Variants in RAB38 observed in about 807,000 individuals in gnomAD.
The protein encoded by RAB38 is ras-related protein Rab-38.
Under a neutral mutation model 18.4 loss-of-function variants are expected in RAB38, and 15 were observed. The ratio of observed to expected loss-of-function variants is 0.82; its 90% CI spans 0.55 to 1.26. The LOEUF (loss-of-function observed/expected upper bound fraction) is 1.26, where lower values mean the gene tolerates loss of function less well. Ranked by LOEUF, RAB38 falls within the 50% of genes most tolerant of loss-of-function variation. The pLI is 0.00. For missense variants in RAB38, 294 were observed against 267.4 expected, an observed-to-expected ratio of 1.10 and a Z score of -0.69; for synonymous variants, 101 against 104.4, an observed-to-expected ratio of 0.97 and a Z score of 0.20.
chr11:87,829,688 A>G, the RAB38 span, among the ~76,000 whole-genome samples: 1 of 152,162 alleles, frequency 6.6e-6, no homozygotes, highest in East Asian at 1.9e-4. Context: ...TCGCCTCTGA[A>G]TCTAAAATAA....
At chr11:88,143,553 TTTAAA>T (rs5742207) in intron 2 of RAB38, among the ~76,000 whole-genome samples, 47,736 of 151,968 alleles carry the variant, frequency 0.31, 7,849 homozygotes, top group Non-Finnish European at 0.36. Flanking sequence ...GGTGTCTAAA[TTTAAA>T]TCATTAAGAA....
At chr11:88,100,697 T>C in the RAB38 span, among the ~76,000 whole-genome samples, 1 of 152,088 alleles carries the variant, frequency 6.6e-6, no homozygotes, top group Non-Finnish European at 1.5e-5. Context: ...ACTAAGGTGA[T>C]CATATTAGTT....
At chr11:87,850,387 C>G in the RAB38 span, among the ~76,000 whole-genome samples, 4 of 152,046 alleles carry the variant, frequency 2.6e-5, no homozygotes, top group African/African-American at 9.7e-5. Flanking sequence ...CCTCATTCCC[C>G]TATAACTGAC....
At chr11:88,040,061 C>T in the RAB38 span, among the ~76,000 whole-genome samples, 1 of 152,116 alleles carries the variant, frequency 6.6e-6, no homozygotes, top group Non-Finnish European at 1.5e-5. Context: ...TGAATAATTC[C>T]CAGGGGTTCT....
At chr11:87,893,386 A>AT in the RAB38 span, among the ~76,000 whole-genome samples, 2 of 92,652 alleles carry the variant, frequency 2.2e-5, no homozygotes, top group African/African-American at 8.4e-5. Flanking sequence ...ATATATATAT[A>AT]TATATTTTTT....
chr11:88,170,151 C>T (rs1943292245), intron 1 of RAB38, among the ~76,000 whole-genome samples: 1 of 152,150 alleles, frequency 6.6e-6, no homozygotes, highest in African/African-American at 2.4e-5. Context: ...CCATATATCC[C>T]TCATTCCTAC....
At chr11:88,043,610 A>AG in the RAB38 span, among the ~76,000 whole-genome samples, 1 of 59,698 alleles carries the variant, frequency 1.7e-5, no homozygotes, top group Non-Finnish European at 3.6e-5. Flanking sequence ...TGACCCCCCC[A>AG]CCCTGCCCAC....
intron 2 of RAB38, among the ~76,000 whole-genome samples, chr11:88,132,299 G>C (rs1942775008): frequency 6.6e-6 from 1 of 152,186 alleles, no homozygotes; most frequent in African/African-American, 2.4e-5. Context: ...GATCCAGGAA[G>C]TTGAGCCATT....
At chr11:88,024,737 C>A in the RAB38 span, among the ~76,000 whole-genome samples, 2 of 152,072 alleles carry the variant, frequency 1.3e-5, no homozygotes, top group East Asian at 3.8e-4. Flanking sequence ...ATGGAAAGAA[C>A]TGGATGAAAT....
Position 88,175,367 on chromosome 11 carries a change from C to T in RAB38, c.18G>A (p.Lys6=). 1 of 1,614,168 alleles carries T rather than the reference C, an allele frequency of 6.2e-7. No individual in the cohort carries two copies. Among genetic ancestry groups the T allele is most frequent in the Non-Finnish European group, 8.5e-7 (1 of 1,180,022 alleles). ...TCACCAGCAACTTGTACAGGTGCTC[C>T]TTGTGCGGGGCCTGCATCCTGGCGG... The part of the protein sequence containing the change: MQAPH[K]EHLYKLLVIG... The change falls in exon 1 of 3, where the codon AAG becomes AAA. Residue 6 remains lysine (K), a synonymous_variant. Coordinates refer to ENST00000243662, the MANE Select transcript of RAB38 (RefSeq NM_022337.3).
the RAB38 span, among the ~76,000 whole-genome samples, chr11:87,878,281 T>C: frequency 7.1e-6 from 1 of 140,022 alleles, no homozygotes; most frequent in South Asian, 2.2e-4. Context: ...TATCTATCTA[T>C]CTATCTATCT....
intron 1 of RAB38, among the ~76,000 whole-genome samples, chr11:88,171,633 G>T (rs1206427865): frequency 6.6e-6 from 1 of 152,184 alleles, no homozygotes; most frequent in Non-Finnish European, 1.5e-5. Context: ...GGAAATTATA[G>T]ATTAAATATG....
chr11:88,073,952 G>T, the RAB38 span, among the ~76,000 whole-genome samples: 1 of 151,410 alleles, frequency 6.6e-6, no homozygotes, highest in African/African-American at 2.4e-5. Flanking sequence ...AAATCAGTGA[G>T]CTTGAATAGA....
the RAB38 span, among the ~76,000 whole-genome samples, chr11:88,025,443 T>C: frequency 7.2e-5 from 11 of 152,300 alleles, no homozygotes; most frequent in Non-Finnish European, 1.0e-4. Context: ...TTACGCTCTT[T>C]GAGAAATCTC....
At chr11:88,139,513 A>C (rs2134809630) in intron 2 of RAB38, among the ~76,000 whole-genome samples, 1 of 152,330 alleles carries the variant, frequency 6.6e-6, no homozygotes, top group South Asian at 2.1e-4. Context: ...GAACCTAGTA[A>C]GAAACTGTGC....
the RAB38 span, among the ~76,000 whole-genome samples, chr11:88,007,501 T>C: frequency 6.6e-6 from 1 of 152,032 alleles, no homozygotes; most frequent in African/African-American, 2.4e-5. Context: ...GAGAAAATCT[T>C]AAATTATAAA....
the RAB38 span, among the ~76,000 whole-genome samples, chr11:87,916,836 A>G: frequency 2.4e-4 from 36 of 152,280 alleles, no homozygotes; most frequent in Non-Finnish European, 1.5e-5. Flanking sequence ...CTGATGATAA[A>G]AATCTCCATA....
At chr11:87,920,978 C>G in the RAB38 span, among the ~76,000 whole-genome samples, 178 of 151,902 alleles carry the variant, frequency 1.2e-3, no homozygotes, top group Non-Finnish European at 2.1e-3. Context: ...GCTGTAAAGT[C>G]CAAGACCAAG....
chr11:88,020,943 C>T, the RAB38 span, among the ~76,000 whole-genome samples: 1 of 151,722 alleles, frequency 6.6e-6, no homozygotes, highest in Non-Finnish European at 1.5e-5. Context: ...AGAGATACAA[C>T]AAAAGCAGTA....
Sources: allele counts gnomAD v4.1 joint callset (sites outside exome capture counted in the v4.1 genomes callset), GRCh38; gene constraint gnomAD v4.1.1; transcripts MANE v1.5; gene names NCBI Gene and HGNC (gene_info 2026-07-23, HGNC 2026-07-21).